The following CHD9 variants were observed in gnomAD, a reference collection of about 807,000 sequenced individuals.
The protein encoded by CHD9 is chromodomain helicase DNA binding protein 9, also known as ATP-dependent chromatin remodeler CHD9.
In CHD9, 77 loss-of-function variants were observed where a neutral mutation model predicts 316.1. That is an observed-to-expected ratio of 0.24 (90% CI 0.20 to 0.29). The LOEUF is 0.29. Ranked by LOEUF, CHD9 falls within the 10% of genes least tolerant of loss-of-function variation. The probability of loss-of-function intolerance (pLI) is 1.00; values close to 1 mark genes in which losing one functional copy is unlikely to be tolerated. For missense variants in CHD9, 2,763 were observed against 3,438.1 expected, an observed-to-expected ratio of 0.80 and a Z score of 4.91; for synonymous variants, 1,129 against 1,158.3, an observed-to-expected ratio of 0.97 and a Z score of 0.51.
chr16:53,285,526 A>C, intron 24 of CHD9, 70 bp from the exon 25 acceptor site: 6 of 757,534 alleles, frequency 7.9e-6, no homozygotes, highest in Non-Finnish European at 8.5e-6. Context: ...TTTAAAAGCT[A>C]GGTAAAATTT....
chr16:53,215,288 T>C (rs1013665167), intron 3 of CHD9, among the ~76,000 whole-genome samples: 3 of 152,240 alleles, frequency 2.0e-5, no homozygotes, highest in Non-Finnish European at 1.5e-5. Context: ...GCTAACAACT[T>C]GGATCCTTAT....
At chr16:53,059,305 A>G (rs1464487063) in intron 1 of CHD9, among the ~76,000 whole-genome samples, 1 of 152,134 alleles carries the variant, frequency 6.6e-6, no homozygotes, top group Non-Finnish European at 1.5e-5. Flanking sequence ...CCTTTAAAAA[A>G]GAAAAATATT....
At chr16:53,166,380 A>G (rs188010342) in intron 2 of CHD9, among the ~76,000 whole-genome samples, 56 of 152,210 alleles carry the variant, frequency 3.7e-4, no homozygotes, top group African/African-American at 1.3e-3. Flanking sequence ...ATTGGTGAGA[A>G]ATTTGTGGAT....
At chr16:53,310,348 G>T (rs750524552) in intron 34 of CHD9, among the ~76,000 whole-genome samples, 1 of 151,624 alleles carries the variant, frequency 6.6e-6, no homozygotes, top group Non-Finnish European at 1.5e-5. Flanking sequence ...CCAGAAAATG[G>T]TAACAAATGG....
At chr16:53,104,183 T>C (rs546981187) in intron 1 of CHD9, among the ~76,000 whole-genome samples, 94 of 152,360 alleles carry the variant, frequency 6.2e-4, no homozygotes, top group Non-Finnish European at 1.1e-3. Flanking sequence ...TGACATTTTA[T>C]TTTTTCCCCC....
intron 2 of CHD9, chr16:53,208,152 G>A (rs1315756308): frequency 5.6e-6 from 6 of 1,077,644 alleles, no homozygotes; most frequent in African/African-American, 3.4e-5. Flanking sequence ...ACTTGCCAAG[G>A]CAGAAATGTG....
intron 2 of CHD9, among the ~76,000 whole-genome samples, chr16:53,170,296 A>T (rs2042607772): frequency 6.6e-6 from 1 of 152,144 alleles, no homozygotes; most frequent in Admixed American, 6.6e-5. Flanking sequence ...TATGTTATAA[A>T]AATGTGTTTA....
At chr16:53,122,730 G>A (rs2038797274) in intron 1 of CHD9, among the ~76,000 whole-genome samples, 1 of 150,098 alleles carries the variant, frequency 6.7e-6, no homozygotes, top group South Asian at 2.1e-4. Context: ...TTTTTGAGAC[G>A]GAGTCTCGCT....
Position 53,304,507 on chromosome 16 carries a change from A to T in CHD9, c.6501A>T (p.Ser2167=). The T allele has an allele frequency of 1.3e-6, 2 of 1,544,770 alleles. No homozygotes were observed. Among genetic ancestry groups the T allele is most frequent in the African/African-American group, 1.4e-5 (1 of 73,024 alleles). Residue 2167 remains serine, a synonymous_variant, in exon 31 of 39, where the codon TCA becomes TCT. Coordinates refer to ENST00000447540, the MANE Select transcript of CHD9 (RefSeq NM_001308319.2). ...SHSRSGSSSS[S]SSSCSSASSS... ...CTCGATCAGGCTCTAGTTCTTCTTCATCTTCATCTTGTTCTTCAGCATCTT... is the reference window on the plus strand; with the variant it reads ...CTCGATCAGGCTCTAGTTCTTCTTCTTCTTCATCTTGTTCTTCAGCATCTT...
rs1197157267 is a variant in CHD9, at chr16:53,254,676, T to C, written c.4029+71T>C. On this transcript the variant is annotated intron_variant, in intron 18 of 38. Coordinates refer to ENST00000447540, the MANE Select transcript of CHD9 (RefSeq NM_001308319.2). ...ATTTGATTTTACCTCCAATAGTGTG[T>C]CATTTAGTTTTGGTCCATGCAGAAT... The C allele has an allele frequency of 1.8e-5, 25 of 1,415,196 alleles. No homozygotes were observed. In the Middle Eastern group the frequency reaches 5.6e-4, roughly 31 times the overall value. 87.7% of individuals were successfully genotyped at this position (1,415,196 alleles called of 1,614,324 possible). A position where few individuals can be genotyped will look rare whatever the true frequency, so the allele number is the denominator to read the frequency against.
At chr16:53,230,614 A>T (rs908856461) in intron 8 of CHD9, among the ~76,000 whole-genome samples, 2 of 152,218 alleles carry the variant, frequency 1.3e-5, no homozygotes, top group Non-Finnish European at 2.9e-5. Flanking sequence ...ATTTTCATTA[A>T]GACTAATTAG....
At chr16:53,200,969 A>T (rs2045403928) in intron 2 of CHD9, among the ~76,000 whole-genome samples, 1 of 152,194 alleles carries the variant, frequency 6.6e-6, no homozygotes, top group Non-Finnish European at 1.5e-5. Context: ...CTCTACAAGC[A>T]TTATCTATTA....
At position 53,204,035 on chromosome 16, in the gene CHD9, AAAAAAAAAAAAAAAT is replaced by A. The variant is rs1397390930; in HGVS notation, c.1453-5445_1453-5431del. ...CAAGACTCCATCTCAAAAAAAAAAA[AAAAAAAAAAAAAAAT>A]ATATATATACACACACACACACACA... On this transcript the variant is annotated intron_variant, in intron 2 of 38. Transcript: ENST00000447540. Among the ~76,000 whole-genome samples the A allele has an allele frequency of 6.2e-4, 65 of 105,404 alleles. 2 individuals carry two copies. The South Asian group carries it at 0.023, about 37-fold the overall frequency. The allele number at this position is 105,404 out of a possible 152,430, so 69.1% of individuals were successfully genotyped here. A position where few individuals can be genotyped will look rare whatever the true frequency, so the allele number is the denominator to read the frequency against.
At chr16:53,190,478 GTGTTTTAATATCTCACAATTTCC>G (rs1555504659) in intron 2 of CHD9, among the ~76,000 whole-genome samples, 1 of 151,972 alleles carries the variant, frequency 6.6e-6, no homozygotes, top group Non-Finnish European at 1.5e-5. Context: ...ATGAATCTGA[GTGTTTTAATATCTCACAATTTCC>G]TGGAATATAA....
intron 3 of CHD9, among the ~76,000 whole-genome samples, chr16:53,214,896 C>T (rs373611176): frequency 3.4e-5 from 5 of 148,008 alleles, no homozygotes; most frequent in Admixed American, 1.4e-4. Flanking sequence ...CAGAGATGTT[C>T]GTAAAAAACA....
chr16:53,250,180 C>T (rs186950244), intron 17 of CHD9, 114 bp downstream of exon 17: 81 of 663,880 alleles, frequency 1.2e-4, no homozygotes, highest in Admixed American at 2.6e-4. Context: ...GTATGTTTCT[C>T]TATGAAATAT....
At chr16:53,077,299 T>A (rs1383132129) in intron 1 of CHD9, among the ~76,000 whole-genome samples, 1 of 151,098 alleles carries the variant, frequency 6.6e-6, no homozygotes, top group African/African-American at 2.4e-5. Context: ...TTTTTTTTTT[T>A]AATATATAAA....
At chr16:53,072,596 G>A (rs1185435530) in intron 1 of CHD9, among the ~76,000 whole-genome samples, 5 of 151,696 alleles carry the variant, frequency 3.3e-5, no homozygotes, top group Admixed American at 1.3e-4. Context: ...GCCTGGTCTC[G>A]AACTCCTGGG....
intron 22 of CHD9, among the ~76,000 whole-genome samples, chr16:53,273,373 CTG>C (rs1567600849): frequency 6.6e-6 from 1 of 152,028 alleles, no homozygotes; most frequent in Non-Finnish European, 1.5e-5. Flanking sequence ...AAAAAATAAT[CTG>C]TTTTGGAACA....
Sources: allele counts gnomAD v4.1 joint callset (sites outside exome capture counted in the v4.1 genomes callset), GRCh38; gene constraint gnomAD v4.1.1; transcripts MANE v1.5; gene names NCBI Gene and HGNC (gene_info 2026-07-23, HGNC 2026-07-21).